The following ULK4 variants were observed in gnomAD, a reference collection of about 807,000 sequenced individuals.
ULK4 encodes inactive serine/threonine-protein kinase ULK4.
ULK4 carries 133 observed loss-of-function variants against 160.6 expected under a neutral mutation model. The ratio of observed to expected loss-of-function variants is 0.83; its 90% CI spans 0.72 to 0.96. ULK4 has a LOEUF of 0.96. ULK4 is among the 40% of genes least tolerant of loss of function. The probability of loss-of-function intolerance (pLI) is 0.00; values close to 1 mark genes in which losing one functional copy is unlikely to be tolerated. For missense variants in ULK4, 1,580 were observed against 1,499.5 expected (o/e 1.05, Z -0.89); for synonymous variants, 534 against 539.8 (o/e 0.99, Z 0.15).
intron 18 of ULK4, among the ~76,000 whole-genome samples, chr3:41,831,531 A>ATATATATATATATATATTTTTT: frequency 5.1e-5 from 7 of 138,046 alleles, no homozygotes; most frequent in East Asian, 2.1e-4. Flanking sequence ...ATATATATAT[A>ATATATATATATATATATTTTTT]TTTTTTTTTC....
intron 22 of ULK4, among the ~76,000 whole-genome samples, chr3:41,753,918 CCTT>C (rs1461041604): frequency 1.3e-5 from 2 of 152,142 alleles, no homozygotes; most frequent in African/African-American, 4.8e-5. Context: ...AAAACAGACT[CCTT>C]CTTCACAGCC....
Position 41,800,716 on chromosome 3 carries a change from C to T in ULK4, c.1849-423G>A, listed in dbSNP as rs140441303. On this transcript the variant is annotated intron_variant, in intron 19 of 36. Transcript: ENST00000301831. Reference sequence around the variant, plus strand: ...TTCAGTCCTAGGAATAATCTGAGCACCGATCAATCAGAGTGGAAAGATTGT... The same window carrying T: ...TTCAGTCCTAGGAATAATCTGAGCATCGATCAATCAGAGTGGAAAGATTGT... 1.7e-3 allele frequency among the ~76,000 whole-genome samples: 261 copies of T among 152,206 alleles called. 2 individuals carry two copies. Among genetic ancestry groups the T allele is most frequent in the African/African-American group, 5.9e-3 (245 of 41,522 alleles).
chr3:41,535,983 CAAG>C (rs898169776), intron 32 of ULK4, among the ~76,000 whole-genome samples: 2 of 152,166 alleles, frequency 1.3e-5, no homozygotes, highest in African/African-American at 4.8e-5. Context: ...CATGCTGCAG[CAAG>C]AAGCTCAGGA....
intron 32 of ULK4, among the ~76,000 whole-genome samples, chr3:41,535,905 C>T (rs1436650844): frequency 6.6e-6 from 1 of 152,142 alleles, no homozygotes; most frequent in African/African-American, 2.4e-5. Context: ...TTCCTTGCCC[C>T]ACCAGATTCA....
At chr3:41,648,020 G>A (rs926806336) in intron 30 of ULK4, among the ~76,000 whole-genome samples, 8 of 152,340 alleles carry the variant, frequency 5.3e-5, no homozygotes, top group South Asian at 2.1e-4. Context: ...ATATAATCTC[G>A]TGGTGCGCCA....
At chr3:41,820,759 T>G (rs190641127) in intron 18 of ULK4, among the ~76,000 whole-genome samples, 26 of 152,234 alleles carry the variant, frequency 1.7e-4, no homozygotes, top group Middle Eastern at 3.4e-3. Context: ...AACCTACACA[T>G]GTACACCCTG....
intron 18 of ULK4, among the ~76,000 whole-genome samples, chr3:41,830,039 C>T (rs555654426): frequency 9.2e-5 from 14 of 151,590 alleles, no homozygotes; most frequent in Admixed American, 3.3e-4. Flanking sequence ...AGCAAACTAT[C>T]GCAAGGACAA....
At chr3:41,746,407 T>C (rs2038426437) in intron 22 of ULK4, among the ~76,000 whole-genome samples, 1 of 151,168 alleles carries the variant, frequency 6.6e-6, no homozygotes, top group Non-Finnish European at 1.5e-5. Context: ...CAATACCATT[T>C]ACAATTGCTT....
At chr3:41,428,254 A>C (rs570478805) in intron 34 of ULK4, among the ~76,000 whole-genome samples, 1 of 152,336 alleles carries the variant, frequency 6.6e-6, no homozygotes, top group Non-Finnish European at 1.5e-5. Flanking sequence ...ACCACTGCTC[A>C]AGGAAATCAG....
chr3:41,513,089 A>G (rs2085641816), intron 32 of ULK4, among the ~76,000 whole-genome samples: 1 of 152,318 alleles, frequency 6.6e-6, no homozygotes, highest in South Asian at 2.1e-4. Context: ...ATCACTGGCA[A>G]GCCCCATGTA....
intron 24 of ULK4, 33 bp downstream of exon 24, chr3:41,715,414 T>C (rs768275314): frequency 6.2e-7 from 1 of 1,613,782 alleles, no homozygotes; most frequent in Non-Finnish European, 8.5e-7. Flanking sequence ...AAGAGGCAAA[T>C]TTATATCCTT....
intron 14 of ULK4, 50 bp downstream of exon 14, chr3:41,898,382 T>C: frequency 9.2e-7 from 1 of 1,088,234 alleles, no homozygotes; most frequent in Non-Finnish European, 1.3e-6. Context: ...TTCATATTTG[T>C]ATCTGTATAC....
At chr3:41,442,871 A>C (rs1380161763) in intron 34 of ULK4, among the ~76,000 whole-genome samples, 1 of 152,220 alleles carries the variant, frequency 6.6e-6, no homozygotes, top group African/African-American at 2.4e-5. Flanking sequence ...GAATTAAAGC[A>C]TCTTATTTCT....
At chr3:41,522,798 A>G (rs2085978553) in intron 32 of ULK4, among the ~76,000 whole-genome samples, 1 of 152,208 alleles carries the variant, frequency 6.6e-6, no homozygotes, top group Non-Finnish European at 1.5e-5. Flanking sequence ...TTCCAAAGCA[A>G]AAGGATCTGC....
chr3:41,856,120 T>C (rs2042331510), intron 17 of ULK4, among the ~76,000 whole-genome samples: 1 of 152,176 alleles, frequency 6.6e-6, no homozygotes. Flanking sequence ...CCAAATGATA[T>C]GTACTTCAGC....
chr3:41,473,224 T>C (rs918504915), intron 32 of ULK4, among the ~76,000 whole-genome samples: 4 of 152,212 alleles, frequency 2.6e-5, no homozygotes, highest in African/African-American at 9.6e-5. Flanking sequence ...GAACACAGTA[T>C]TAGAAGACTT....
chr3:41,584,572 C>A (rs542087655), intron 31 of ULK4, among the ~76,000 whole-genome samples: 2 of 152,262 alleles, frequency 1.3e-5, no homozygotes, highest in Non-Finnish European at 2.9e-5. Flanking sequence ...GAGACATGAG[C>A]TACCATGCCT....
At chr3:41,731,392 A>T (rs2037815826) in intron 22 of ULK4, among the ~76,000 whole-genome samples, 1 of 151,998 alleles carries the variant, frequency 6.6e-6, no homozygotes, top group East Asian at 1.9e-4. Context: ...TTTATAAGTT[A>T]TAAAAAAAAT....
At chr3:41,856,302 C>T (rs1435859358) in intron 17 of ULK4, among the ~76,000 whole-genome samples, 1 of 151,480 alleles carries the variant, frequency 6.6e-6, no homozygotes, top group African/African-American at 2.4e-5. Context: ...GGTAAATTCA[C>T]TGAAATTAAC....
Sources: gnomAD v4.1 joint callset for allele counts (sites outside exome capture counted in the v4.1 genomes callset) on GRCh38, gnomAD v4.1.1 for gene constraint, MANE v1.5 for transcripts, NCBI Gene and HGNC (gene_info 2026-07-23, HGNC 2026-07-21) for gene names.